The following CPQ variants were observed in gnomAD, a reference collection of about 807,000 sequenced individuals.
CPQ encodes carboxypeptidase Q.
Under a neutral mutation model 45.7 loss-of-function variants are expected in CPQ, and 37 were observed. The observed-to-expected ratio is 0.81, with a 90% confidence interval of 0.62 to 1.07. The LOEUF is 1.07. CPQ is among the 50% of genes least tolerant of loss of function. CPQ has a pLI of 0.00. For synonymous variants in CPQ, 186 were observed against 205.8 expected (o/e 0.90, Z 0.82); for missense variants, 537 against 572.9 (o/e 0.94, Z 0.64).
intron 1 of CPQ, among the ~76,000 whole-genome samples, chr8:96,781,782 C>G (rs1230159584): frequency 6.6e-6 from 1 of 152,190 alleles, no homozygotes; most frequent in African/African-American, 2.4e-5. Context: ...TGAAATTATA[C>G]AAGTTATCTA....
intron 2 of CPQ, among the ~76,000 whole-genome samples, chr8:96,798,061 AAAG>A (rs921899714): frequency 5.1e-4 from 77 of 151,902 alleles, no homozygotes; most frequent in African/African-American, 1.8e-3. Flanking sequence ...AAAAAAAAAA[AAAG>A]TTAAAGTAGG....
At chr8:97,065,943 G>C in intron 6 of CPQ, 66 bp from the exon 7 acceptor site, 1 of 1,485,946 alleles carries the variant, frequency 6.7e-7, no homozygotes, top group East Asian at 2.3e-5. Flanking sequence ...ATTGTTGTTT[G>C]ATAGTTCCCA....
At chr8:96,821,067 C>A (rs1273238917) in intron 2 of CPQ, among the ~76,000 whole-genome samples, 1 of 149,512 alleles carries the variant, frequency 6.7e-6, no homozygotes, top group African/African-American at 2.5e-5. Context: ...TACTTCTTGG[C>A]CATTTGTATG....
chr8:97,131,659 C>T (rs1047351739), intron 7 of CPQ, among the ~76,000 whole-genome samples: 13 of 152,150 alleles, frequency 8.5e-5, no homozygotes, highest in Admixed American at 4.6e-4. Context: ...TTTGACATCA[C>T]CCCTAAAATT....
chr8:97,001,412 T>A (rs1354625290), intron 5 of CPQ, among the ~76,000 whole-genome samples: 1 of 152,110 alleles, frequency 6.6e-6, no homozygotes, highest in Non-Finnish European at 1.5e-5. Context: ...TTTTGAGATA[T>A]GTTCCTTCAA....
At chr8:96,717,060 T>TAC (rs1809689046) in intron 1 of CPQ, among the ~76,000 whole-genome samples, 1 of 103,068 alleles carries the variant, frequency 9.7e-6, no homozygotes, top group African/African-American at 4.8e-5. Flanking sequence ...TATATATATA[T>TAC]ATATATATAT....
intron 4 of CPQ, among the ~76,000 whole-genome samples, chr8:96,906,820 C>T (rs1298294788): frequency 1.3e-5 from 2 of 152,074 alleles, no homozygotes; most frequent in Non-Finnish European, 2.9e-5. Flanking sequence ...TGTCACATCA[C>T]ATATGAATTT....
intron 7 of CPQ, among the ~76,000 whole-genome samples, chr8:97,113,330 T>G (rs987316633): frequency 6.6e-6 from 1 of 151,982 alleles, no homozygotes; most frequent in Non-Finnish European, 1.5e-5. Flanking sequence ...GAGAAGGGTG[T>G]GGGGTAAAAG....
intron 2 of CPQ, among the ~76,000 whole-genome samples, chr8:96,832,990 A>G (rs541798111): frequency 6.6e-6 from 1 of 152,204 alleles, no homozygotes; most frequent in South Asian, 2.1e-4. Context: ...GTAATAGTTC[A>G]AAAGAGAGGT....
At chr8:97,040,903 G>A (rs1403095620) in intron 6 of CPQ, among the ~76,000 whole-genome samples, 1 of 152,176 alleles carries the variant, frequency 6.6e-6, no homozygotes, top group African/African-American at 2.4e-5. Flanking sequence ...AGTATAGTTT[G>A]AAGTCAGGTA....
rs117072606 is a variant in CPQ, at chr8:96,972,526, C to T, written c.961+6480C>T. Among the ~76,000 whole-genome samples the T allele has an allele frequency of 3.9e-4, 59 of 152,268 alleles. No homozygotes were observed. The East Asian group carries it at 0.011, about 28-fold the overall frequency. ...CAAGTGTTCCTAGGGCAACTAGGAA[C>T]ACAGCTGATACACTCTTGTCAGTGC... On this transcript the variant is annotated intron_variant, in intron 5 of 7. Transcript: ENST00000220763.
Position 96,926,622 on chromosome 8 carries a change from T to TCTTCTC in CPQ, c.850-39311_850-39310insTCTCCT, listed in dbSNP as rs1554578116. On this transcript the variant is annotated intron_variant, in intron 4 of 7. Coordinates refer to ENST00000220763, the MANE Select transcript of CPQ (RefSeq NM_016134.4). The stretch of plus-strand genomic sequence containing the variant: ...TTCTTCTTCTTCTTCTTCTTCTTCT[T>TCTTCTC]CTCCTCCTTCTCCTTCTTCTTCTTC... 8.1e-5 allele frequency among the ~76,000 whole-genome samples: 10 copies of TCTTCTC among 123,780 alleles called. 1 individual carries two copies. The highest frequency in any genetic ancestry group is 1.5e-4 in the Non-Finnish European group (9 of 59,754). 81.2% of individuals were successfully genotyped at this position (123,780 alleles called of 152,430 possible).
chr8:96,741,487 T>C (rs898948468), intron 1 of CPQ, among the ~76,000 whole-genome samples: 2 of 152,230 alleles, frequency 1.3e-5, no homozygotes, highest in African/African-American at 4.8e-5. Context: ...AGTTCTGCTC[T>C]GATTTTAGTT....
intron 3 of CPQ, among the ~76,000 whole-genome samples, chr8:96,873,104 C>T (rs1331802791): frequency 6.6e-6 from 1 of 151,780 alleles, no homozygotes; most frequent in Non-Finnish European, 1.5e-5. Context: ...TTTTCTGACC[C>T]TGTAATGGTG....
chr8:96,815,710 G>A (rs1811218601), intron 2 of CPQ, among the ~76,000 whole-genome samples: 1 of 151,966 alleles, frequency 6.6e-6, no homozygotes, highest in African/African-American at 2.4e-5. Context: ...CTATCATTTA[G>A]ATTCTTCTAG....
Position 97,043,500 on chromosome 8 carries a change from T to C in CPQ, c.1053+14006T>C, listed in dbSNP as rs535201847. Among the ~76,000 whole-genome samples, 3 of 152,282 alleles carry C rather than the reference T, an allele frequency of 2.0e-5. No individual in the cohort carries two copies. In the East Asian group the frequency reaches 5.8e-4, roughly 29 times the overall value. On this transcript the variant is annotated intron_variant, in intron 6 of 7. Transcript: ENST00000220763. ...AGTCCATTTACATTTAAAGATAATA[T>C]TGTTATGTGTCAATTTGATCCTGTC... is the stretch of plus-strand genomic sequence containing the variant.
At chr8:96,687,433 G>A (rs931818809) in intron 1 of CPQ, among the ~76,000 whole-genome samples, 5 of 151,964 alleles carry the variant, frequency 3.3e-5, no homozygotes, top group African/African-American at 1.2e-4. Context: ...GGCTGGTCTC[G>A]AACTTCGCCT....
intron 4 of CPQ, among the ~76,000 whole-genome samples, chr8:96,949,149 G>A (rs936847293): frequency 9.9e-5 from 15 of 152,036 alleles, no homozygotes; most frequent in Non-Finnish European, 8.8e-5. Flanking sequence ...TGTAATAATT[G>A]GGAAGGGGAG....
chr8:97,109,031 G>A (rs2130590581), intron 7 of CPQ, among the ~76,000 whole-genome samples: 1 of 152,214 alleles, frequency 6.6e-6, no homozygotes, highest in African/African-American at 2.4e-5. Context: ...AATATCTTGA[G>A]CATTAAATTT....
Sources: allele counts gnomAD v4.1 joint callset (sites outside exome capture counted in the v4.1 genomes callset), GRCh38; gene constraint gnomAD v4.1.1; transcripts MANE v1.5; gene names NCBI Gene and HGNC (gene_info 2026-07-23, HGNC 2026-07-21).